PTK2: variants seen among roughly 807,000 people sequenced by gnomAD.
PTK2 encodes the protein protein tyrosine kinase 2.
A neutral mutation model predicts 150.1 loss-of-function variants in PTK2; 45 were observed. The ratio of observed to expected loss-of-function variants is 0.30; its 90% confidence interval spans 0.24 to 0.38. The LOEUF is 0.38. Ranked by LOEUF, PTK2 falls within the 10% of genes least tolerant of loss-of-function variation. The pLI, the probability that PTK2 is intolerant of heterozygous loss-of-function variation, is 1.00. For synonymous variants in PTK2, 432 were observed against 449.2 expected (o/e 0.96, Z 0.48); for missense variants, 919 against 1,307.3 (o/e 0.70, Z 4.58).
intron 10 of PTK2, among the ~76,000 whole-genome samples, chr8:140,813,542 G>A (rs192613136): frequency 1.6e-4 from 24 of 151,316 alleles, no homozygotes; most frequent in Middle Eastern, 3.4e-3. Context: ...GCTCCCAAAT[G>A]ACTTTTGTGT....
intron 29 of PTK2, among the ~76,000 whole-genome samples, chr8:140,671,106 G>C (rs897927361): frequency 4.6e-5 from 7 of 152,144 alleles, no homozygotes; most frequent in African/African-American, 1.4e-4. Flanking sequence ...CAACCACTTA[G>C]GTTGATGCTT....
intron 2 of PTK2, among the ~76,000 whole-genome samples, chr8:140,915,033 C>CAAAAAAAA (rs10661609): frequency 9.8e-4 from 52 of 52,934 alleles, no homozygotes; most frequent in East Asian, 2.8e-3. Context: ...AACTCCAACT[C>CAAAAAAAA]AAAAAAAAAA....
At chr8:140,760,083 G>A (rs747015869) in intron 16 of PTK2, among the ~76,000 whole-genome samples, 3 of 152,086 alleles carry the variant, frequency 2.0e-5, no homozygotes, top group East Asian at 1.9e-4. Context: ...TTAGCTGGGC[G>A]TGGTGGAGCG....
At chr8:140,940,989 TA>T (rs933557375) in intron 1 of PTK2, among the ~76,000 whole-genome samples, 5 of 150,868 alleles carry the variant, frequency 3.3e-5, no homozygotes, top group Admixed American at 6.6e-5. Flanking sequence ...TTTTTTTAAT[TA>T]AAAAAAAATA....
At chr8:140,735,057 A>T in intron 22 of PTK2, 194 bp downstream of exon 25, 1 of 608,408 alleles carries the variant, frequency 1.6e-6, no homozygotes, top group Non-Finnish European at 2.9e-6. Flanking sequence ...TTAAAATTTT[A>T]AAGATATAAT....
At chr8:140,982,885 T>C (rs1321721302) in intron 1 of PTK2, among the ~76,000 whole-genome samples, 1 of 152,216 alleles carries the variant, frequency 6.6e-6, no homozygotes, top group Non-Finnish European at 1.5e-5. Context: ...AGGGAATTCA[T>C]TACAACATTG....
At chr8:140,876,974 A>G (rs570449109) in intron 4 of PTK2, among the ~76,000 whole-genome samples, 1 of 139,196 alleles carries the variant, frequency 7.2e-6, no homozygotes, top group East Asian at 2.1e-4. Context: ...TATCTGTCAC[A>G]TTTTCTTCTG....
chr8:140,995,237 G>T (rs1160378336), intron 1 of PTK2, among the ~76,000 whole-genome samples: 2 of 151,840 alleles, frequency 1.3e-5, no homozygotes, highest in African/African-American at 4.8e-5. Flanking sequence ...CAAAAAATTA[G>T]CCAGGCATGG....
At chr8:140,737,847 A>T (rs2154410875) in intron 21 of PTK2, among the ~76,000 whole-genome samples, 1 of 152,360 alleles carries the variant, frequency 6.6e-6, no homozygotes, top group African/African-American at 2.4e-5. Context: ...TCTGTGGATC[A>T]CACAGATAAT....
intron 5 of PTK2, among the ~76,000 whole-genome samples, chr8:140,849,946 T>C (rs1412747808): frequency 1.3e-5 from 2 of 152,260 alleles, no homozygotes; most frequent in East Asian, 3.9e-4. Flanking sequence ...GATTAACAAA[T>C]AGGAACCACC....
chr8:140,959,353 AC>A (rs2100182280), intron 1 of PTK2, among the ~76,000 whole-genome samples: 1 of 150,872 alleles, frequency 6.6e-6, no homozygotes, highest in Non-Finnish European at 1.5e-5. Context: ...ACACAGTGAA[AC>A]CCCGTCTCTA....
At chr8:140,892,223 A>G (rs1413533487) in intron 2 of PTK2, among the ~76,000 whole-genome samples, 1 of 151,906 alleles carries the variant, frequency 6.6e-6, no homozygotes, top group Non-Finnish European at 1.5e-5. Flanking sequence ...ACAAACGAAC[A>G]AACACACACA....
intron 1 of PTK2, among the ~76,000 whole-genome samples, chr8:140,948,994 C>A (rs1430631156): frequency 6.6e-6 from 1 of 151,916 alleles, no homozygotes; most frequent in African/African-American, 2.4e-5. Context: ...TCCCCTTCCA[C>A]TTTTGCCACC....
At chr8:140,801,079 T>C (rs2100094752) in intron 11 of PTK2, among the ~76,000 whole-genome samples, 1 of 152,260 alleles carries the variant, frequency 6.6e-6, no homozygotes, top group African/African-American at 2.4e-5. Flanking sequence ...AAATTTGATA[T>C]TGTTTGGTAA....
intron 1 of PTK2, among the ~76,000 whole-genome samples, chr8:140,997,901 T>C (rs2100198405): frequency 1.3e-5 from 2 of 152,216 alleles, no homozygotes; most frequent in South Asian, 2.1e-4. Flanking sequence ...ATTGCACCAC[T>C]GCACTCCAGC....
chr8:140,816,775 A>C (rs551688063), intron 10 of PTK2, among the ~76,000 whole-genome samples: 1 of 152,360 alleles, frequency 6.6e-6, no homozygotes, highest in East Asian at 1.9e-4. Flanking sequence ...ATCTATTAAA[A>C]TGGAAAAATT....
rs114366441 is a variant in PTK2, at chr8:140,882,425, A to C, written c.196-2788T>G. ...GACATGGGTTTTTAATATGCCACTA[A>C]AGGTACCAGAATTAAATTTAAATTT... On this transcript the variant is annotated intron_variant, in intron 3 of 31. Coordinates refer to ENST00000522684, the Ensembl canonical transcript of PTK2. Among the ~76,000 whole-genome samples, 655 of 152,294 alleles carry C rather than the reference A, an allele frequency of 4.3e-3. 4 individuals are homozygous for C. Among genetic ancestry groups the C allele is most frequent in the African/African-American group, 0.015 (625 of 41,566 alleles).
At chr8:140,841,137 A>C (rs528626335) in intron 7 of PTK2, among the ~76,000 whole-genome samples, 1 of 152,296 alleles carries the variant, frequency 6.6e-6, no homozygotes, top group South Asian at 2.1e-4. Flanking sequence ...GGGTATGTTA[A>C]CAAGCTTGAT....
chr8:140,894,558 A>G (rs538618726), intron 2 of PTK2, among the ~76,000 whole-genome samples: 2 of 152,356 alleles, frequency 1.3e-5, no homozygotes, highest in Admixed American at 6.5e-5. Flanking sequence ...GGGAAAAACA[A>G]AAGGAAAGAA....
Sources: allele counts gnomAD v4.1 joint callset (sites outside exome capture counted in the v4.1 genomes callset), GRCh38; gene constraint gnomAD v4.1.1; transcripts MANE v1.5; gene names NCBI Gene and HGNC (gene_info 2026-07-23, HGNC 2026-07-21).